Variants in REDIC1 observed in about 807,000 individuals in gnomAD.
The protein encoded by REDIC1 is HEI10 Interacting Protein 1.
At chr12:39,837,210 G>A in the REDIC1 span, among the ~76,000 whole-genome samples, 2 of 150,776 alleles carry the variant, frequency 1.3e-5, no homozygotes, top group East Asian at 3.9e-4. Context: ...TCTGATCTTT[G>A]AGAAAGCTGA....
At chr12:39,711,974 T>G in the REDIC1 span, among the ~76,000 whole-genome samples, 1 of 126,614 alleles carries the variant, frequency 7.9e-6, no homozygotes, top group Non-Finnish European at 1.7e-5. Context: ...TATGTATATA[T>G]ACATGTCATG....
chr12:39,842,396 T>C, the REDIC1 span, among the ~76,000 whole-genome samples: 1 of 152,110 alleles, frequency 6.6e-6, no homozygotes, highest in Non-Finnish European at 1.5e-5. Context: ...AAATCAGATA[T>C]TTTTTCTACT....
At chr12:39,875,100 CA>C in the REDIC1 span, among the ~76,000 whole-genome samples, 1 of 152,174 alleles carries the variant, frequency 6.6e-6, no homozygotes, top group African/African-American at 2.4e-5. Flanking sequence ...CAAATTACCA[CA>C]AGGTTAGTGA....
At chr12:39,646,864 C>A in the REDIC1 span, 1 of 1,598,116 alleles carries the variant, frequency 6.3e-7, no homozygotes, top group South Asian at 1.1e-5. Context: ...GACTAAGTAG[C>A]AAGGAAGATC....
chr12:39,764,591 G>A, the REDIC1 span: 1 of 1,603,832 alleles, frequency 6.2e-7, no homozygotes, highest in Non-Finnish European at 8.5e-7. Context: ...AGAATTCACA[G>A]TCCAAGGCAT....
At chr12:39,786,987 CT>C in the REDIC1 span, among the ~76,000 whole-genome samples, 625 of 61,126 alleles carry the variant, frequency 0.01, 5 homozygotes, top group East Asian at 0.047. Flanking sequence ...TGTGTTTTTT[CT>C]TTTTTTTAAA....
chr12:39,895,867 CACACACAT>C, the REDIC1 span, among the ~76,000 whole-genome samples: 4 of 11,300 alleles, frequency 3.5e-4, 2 homozygotes, highest in Non-Finnish European at 5.9e-4. Context: ...CGTGTATATG[CACACACAT>C]ATGTATATGC....
At chr12:39,830,421 CT>C in the REDIC1 span, 7 of 1,299,522 alleles carry the variant, frequency 5.4e-6, no homozygotes, top group Non-Finnish European at 6.9e-6. Flanking sequence ...ATTTCTCCCT[CT>C]TTTGGCCACA....
chr12:39,843,227 G>A, the REDIC1 span, among the ~76,000 whole-genome samples: 1 of 151,868 alleles, frequency 6.6e-6, no homozygotes, highest in Non-Finnish European at 1.5e-5. Context: ...ACACTTTTTC[G>A]TACTTGATCT....
chr12:39,856,971 CA>C, the REDIC1 span, among the ~76,000 whole-genome samples: 1 of 152,160 alleles, frequency 6.6e-6, no homozygotes, highest in Non-Finnish European at 1.5e-5. Context: ...CAATTGCTGT[CA>C]CAGTCCTGGA....
the REDIC1 span, chr12:39,643,643 T>C: frequency 6.4e-5 from 41 of 641,804 alleles, no homozygotes; most frequent in Non-Finnish European, 9.6e-5. Flanking sequence ...GTAATGTATT[T>C]ATAAACATAT....
the REDIC1 span, among the ~76,000 whole-genome samples, chr12:39,838,599 C>T: frequency 6.7e-6 from 1 of 149,782 alleles, no homozygotes; most frequent in East Asian, 2.0e-4. Flanking sequence ...GGCTCTAAAA[C>T]CTAAAAATGC....
At chr12:39,830,111 G>T in the REDIC1 span, 7 of 1,613,598 alleles carry the variant, frequency 4.3e-6, no homozygotes, top group African/African-American at 1.3e-5. Flanking sequence ...ACCTGCCCCA[G>T]GCTGCCTCAT....
At chr12:39,731,688 G>A in the REDIC1 span, among the ~76,000 whole-genome samples, 1 of 152,168 alleles carries the variant, frequency 6.6e-6, no homozygotes, top group Non-Finnish European at 1.5e-5. Flanking sequence ...TGTGCTGGGG[G>A]ATTTGTTGCT....
chr12:39,758,951 A>AT, the REDIC1 span: 1 of 152,320 alleles, frequency 6.6e-6, no homozygotes, highest in Non-Finnish European at 1.5e-5. Context: ...AAGTCCCATT[A>AT]TTTTTATTAA....
chr12:39,635,326 A>G, the REDIC1 span, among the ~76,000 whole-genome samples: 1 of 152,198 alleles, frequency 6.6e-6, no homozygotes, highest in African/African-American at 2.4e-5. Flanking sequence ...TCATTCTATG[A>G]TAAAGACACA....
At chr12:39,762,312 G>T in the REDIC1 span, among the ~76,000 whole-genome samples, 1 of 149,776 alleles carries the variant, frequency 6.7e-6, no homozygotes, top group Admixed American at 6.7e-5. Context: ...CTATTGAACA[G>T]TTAGATATTC....
At chr12:39,864,869 T>C in the REDIC1 span, 22 of 1,612,584 alleles carry the variant, frequency 1.4e-5, no homozygotes, top group Non-Finnish European at 1.9e-5. Context: ...GAATAATGAG[T>C]GCTACGGTGG....
At chr12:39,702,827 CAAA>C in the REDIC1 span, among the ~76,000 whole-genome samples, 1 of 152,180 alleles carries the variant, frequency 6.6e-6, no homozygotes, top group Admixed American at 6.5e-5. Context: ...GAACCAAAGA[CAAA>C]AACCACATGA....
Sources: allele counts gnomAD v4.1 joint callset (sites outside exome capture counted in the v4.1 genomes callset), GRCh38; gene constraint gnomAD v4.1.1; transcripts MANE v1.5; gene names NCBI Gene and HGNC (gene_info 2026-07-23, HGNC 2026-07-21).